Variants in ST3GAL3 observed in about 807,000 individuals in gnomAD.
ST3GAL3 encodes the protein CMP-N-acetylneuraminate-beta-1,4-galactoside alpha-2,3-sialyltransferase.
In ST3GAL3, 21 loss-of-function variants were observed where a neutral mutation model predicts 50.1. The ratio of observed to expected loss-of-function variants is 0.42; its 90% CI spans 0.30 to 0.60. The LOEUF is 0.60. Ranked by LOEUF, ST3GAL3 falls within the 20% of genes least tolerant of loss-of-function variation. ST3GAL3 has a pLI of 0.19. For synonymous variants in ST3GAL3, 183 were observed against 190.0 expected, an observed-to-expected ratio of 0.96 and a Z score of 0.30; for missense variants, 353 against 489.4, an observed-to-expected ratio of 0.72 and a Z score of 2.63.
At chr1:43,814,377 T>C (rs2060988868) in intron 3 of ST3GAL3, among the ~76,000 whole-genome samples, 1 of 152,220 alleles carries the variant, frequency 6.6e-6, no homozygotes, top group African/African-American at 2.4e-5. Context: ...AATTTATCTT[T>C]AAATTTTATT....
chr1:43,855,377 A>G (rs900477735), intron 5 of ST3GAL3, among the ~76,000 whole-genome samples: 2 of 152,214 alleles, frequency 1.3e-5, no homozygotes, highest in Non-Finnish European at 2.9e-5. Flanking sequence ...TGGCCGGCCA[A>G]GGCGGGTGGA....
chr1:43,878,894 G>A, intron 5 of ST3GAL3: 2 of 383,192 alleles, frequency 5.2e-6, no homozygotes, highest in South Asian at 3.9e-5. Flanking sequence ...GTACTGGGGG[G>A]CATGACAGTG....
At chr1:43,750,831 A>C (rs1223238861) in intron 2 of ST3GAL3, among the ~76,000 whole-genome samples, 1 of 151,996 alleles carries the variant, frequency 6.6e-6, no homozygotes, top group African/African-American at 2.4e-5. Flanking sequence ...AGCTGTGCTC[A>C]CGCCTCTGCA....
At chr1:43,717,585 C>T (rs1434586173) in intron 1 of ST3GAL3, among the ~76,000 whole-genome samples, 3 of 150,960 alleles carry the variant, frequency 2.0e-5, no homozygotes, top group African/African-American at 7.3e-5. Context: ...GCAGCCTTGA[C>T]CTCCTGGGCT....
chr1:43,838,748 A>G (rs1462524861), intron 5 of ST3GAL3: 1 of 269,524 alleles, frequency 3.7e-6, no homozygotes, highest in Non-Finnish European at 7.4e-6. Context: ...CTTGAGTTTT[A>G]GCACTTTCCT....
At chr1:43,839,862 A>G (rs1388189319) in intron 5 of ST3GAL3, 2 of 152,086 alleles carry the variant, frequency 1.3e-5, no homozygotes, top group African/African-American at 4.8e-5. Context: ...AAGGAGAGAG[A>G]AAGAGAGGAA....
At chr1:43,817,668 CCTT>C (rs1291295753) in intron 4 of ST3GAL3, among the ~76,000 whole-genome samples, 5 of 128,972 alleles carry the variant, frequency 3.9e-5, no homozygotes, top group Non-Finnish European at 8.2e-5. Flanking sequence ...TCCTTCTTCT[CCTT>C]CTTCCTTCTC....
chr1:43,761,939 A>G (rs1367007405), intron 2 of ST3GAL3, among the ~76,000 whole-genome samples: 1 of 117,164 alleles, frequency 8.5e-6, no homozygotes, highest in African/African-American at 3.5e-5. Context: ...CAACAGAGCG[A>G]CACTCTGTCT....
In ST3GAL3 at chr1:43,930,143, C is replaced by T; in HGVS notation, c.1050C>T (p.His350=). 2 of 1,614,180 alleles carry T rather than the reference C, an allele frequency of 1.2e-6. No individual in the cohort carries two copies. Among genetic ancestry groups the T allele is most frequent in the Non-Finnish European group, 1.7e-6 (2 of 1,180,024 alleles). Residue 350 remains histidine (H), a synonymous_variant, in exon 12 of 12, where the codon CAC becomes CAT. Transcript: ENST00000347631. ...RMAAIKESWT[H]NIQREKEFLR... is the part of the protein sequence containing the mutation. ...ATCTCTCCTTTCAGTCCTGGACGCA[C>T]AATATCCAGCGAGAGAAAGAGTTTC...
At chr1:43,733,344 C>T (rs999943255) in intron 1 of ST3GAL3, among the ~76,000 whole-genome samples, 5 of 152,214 alleles carry the variant, frequency 3.3e-5, no homozygotes, top group African/African-American at 1.2e-4. Context: ...TCCTCTGAGT[C>T]TCACCTGCTT....
intron 3 of ST3GAL3, among the ~76,000 whole-genome samples, chr1:43,813,860 GACACACACACACACACACAC>G (rs57947852): frequency 6.9e-6 from 1 of 144,536 alleles, no homozygotes; most frequent in African/African-American, 2.6e-5. Context: ...TTTTTGGCTA[GACACACACACACACACACAC>G]ACACACACAC....
chr1:43,916,746 T>C (rs1296244371), intron 9 of ST3GAL3: 14 of 152,106 alleles, frequency 9.2e-5, no homozygotes, highest in Admixed American at 9.2e-4. Flanking sequence ...AGCTAATTAT[T>C]CTATTTCTTG....
At chr1:43,817,612 T>C (rs2061496019) in intron 4 of ST3GAL3, among the ~76,000 whole-genome samples, 1 of 129,914 alleles carries the variant, frequency 7.7e-6, no homozygotes, top group African/African-American at 2.9e-5. Flanking sequence ...CTCCTTCTCC[T>C]CCTTCTCCTC....
intron 5 of ST3GAL3, among the ~76,000 whole-genome samples, chr1:43,859,305 T>C (rs1016727424): frequency 6.6e-6 from 1 of 152,148 alleles, no homozygotes; most frequent in Non-Finnish European, 1.5e-5. Context: ...TTTCCTACAC[T>C]GGACAACTTC....
chr1:43,723,041 CATA>C (rs1320878894), intron 1 of ST3GAL3, among the ~76,000 whole-genome samples: 1 of 151,812 alleles, frequency 6.6e-6, no homozygotes, highest in African/African-American at 2.4e-5. Context: ...GCAGTCCCTG[CATA>C]ATGAGTGACT....
At chr1:43,831,175 T>C (rs2063493128) in intron 4 of ST3GAL3, among the ~76,000 whole-genome samples, 1 of 152,226 alleles carries the variant, frequency 6.6e-6, no homozygotes, top group African/African-American at 2.4e-5. Flanking sequence ...CTTAAGCTGA[T>C]TACACTTTAC....
intron 1 of ST3GAL3, among the ~76,000 whole-genome samples, chr1:43,715,152 T>C (rs189063382): frequency 2.6e-5 from 4 of 152,350 alleles, no homozygotes; most frequent in Middle Eastern, 3.4e-3. Flanking sequence ...GCAGTTGTTC[T>C]CTTTGGTCTC....
At chr1:43,815,297 A>G (rs1280875787) in intron 4 of ST3GAL3, among the ~76,000 whole-genome samples, 1 of 152,116 alleles carries the variant, frequency 6.6e-6, no homozygotes, top group African/African-American at 2.4e-5. Flanking sequence ...GGCACCTGAC[A>G]TGCACAGCCT....
At chr1:43,872,447 C>T (rs2073193389) in intron 5 of ST3GAL3, among the ~76,000 whole-genome samples, 1 of 151,054 alleles carries the variant, frequency 6.6e-6, no homozygotes, top group Non-Finnish European at 1.5e-5. Flanking sequence ...TGACCGGGCA[C>T]TCCCTGAGGG....
Sources: allele counts gnomAD v4.1 joint callset (sites outside exome capture counted in the v4.1 genomes callset), GRCh38; gene constraint gnomAD v4.1.1; transcripts MANE v1.5; gene names NCBI Gene and HGNC (gene_info 2026-07-23, HGNC 2026-07-21).